SLIT2: variants seen among roughly 807,000 people sequenced by gnomAD.
The protein encoded by SLIT2 is slit homolog 2 protein.
SLIT2 carries 41 observed loss-of-function variants against 185.7 expected under a neutral mutation model. The observed-to-expected ratio is 0.22, with a 90% CI of 0.17 to 0.29. The LOEUF is 0.29. Among genes scored for constraint, SLIT2 ranks in the 10% least tolerant of loss-of-function variants. SLIT2 has a pLI of 1.00. For synonymous variants in SLIT2, 693 were observed against 680.2 expected, an observed-to-expected ratio of 1.02 and a Z score of -0.29; for missense variants, 1,571 against 1,909.0, an observed-to-expected ratio of 0.82 and a Z score of 3.30.
At chr4:20,362,367 T>A (rs1722807651) in intron 4 of SLIT2, among the ~76,000 whole-genome samples, 1 of 152,178 alleles carries the variant, frequency 6.6e-6, no homozygotes, top group Admixed American at 6.5e-5. Flanking sequence ...CAAGGATACC[T>A]CGGAAGAGGC....
intron 4 of SLIT2, among the ~76,000 whole-genome samples, chr4:20,330,583 G>A (rs1400622750): frequency 2.0e-5 from 3 of 152,072 alleles, no homozygotes. Flanking sequence ...TGGAAAGCAT[G>A]AAGTGTCAAA....
At chr4:20,597,734 G>A (rs182886369) in intron 32 of SLIT2, among the ~76,000 whole-genome samples, 4 of 152,288 alleles carry the variant, frequency 2.6e-5, no homozygotes, top group African/African-American at 9.6e-5. Context: ...ACCTTCCAGT[G>A]TTTGCCCCAC....
chr4:20,292,391 A>G (rs1716041205), intron 4 of SLIT2, among the ~76,000 whole-genome samples: 1 of 152,106 alleles, frequency 6.6e-6, no homozygotes, highest in Admixed American at 6.6e-5. Flanking sequence ...TAATTAATTC[A>G]TAGATTTGTT....
intron 4 of SLIT2, among the ~76,000 whole-genome samples, chr4:20,464,721 C>T (rs1421483062): frequency 6.6e-6 from 1 of 152,220 alleles, no homozygotes; most frequent in Non-Finnish European, 1.5e-5. Flanking sequence ...TGTGTTTCCA[C>T]CTCCATTCCC....
In SLIT2 at chr4:20,528,924, T is replaced by C. The variant is rs1721539280; in HGVS notation, c.1463-25T>C. 6.3e-6 allele frequency: 10 copies of C among 1,587,624 alleles called. No homozygotes were observed. The highest frequency in any genetic ancestry group is 8.6e-6 in the Non-Finnish European group (10 of 1,162,340). On this transcript the variant is annotated intron_variant, in intron 15 of 36. Transcript: ENST00000504154. The surrounding 1 kb of genome is among the most constrained non-coding windows in gnomAD (Gnocchi z 4.2). ...TTTCTAACCTTTAGACTCAGTATCTTTTTTTTGGTTTGAATTCTCAATAGG... is the reference window on the plus strand; with the variant it reads ...TTTCTAACCTTTAGACTCAGTATCTCTTTTTTGGTTTGAATTCTCAATAGG...
At chr4:20,590,751 C>T (rs1021073344) in intron 30 of SLIT2, among the ~76,000 whole-genome samples, 1 of 152,198 alleles carries the variant, frequency 6.6e-6, no homozygotes, top group Non-Finnish European at 1.5e-5. Flanking sequence ...TCAACAGCAA[C>T]TTCTCTTTTT....
At chr4:20,550,685 T>C in intron 24 of SLIT2, 142 bp from the exon 25 acceptor site, 1 of 457,856 alleles carries the variant, frequency 2.2e-6, no homozygotes. Flanking sequence ...AGGTATCCAG[T>C]TGTACCAAAA....
intron 33 of SLIT2, among the ~76,000 whole-genome samples, chr4:20,599,349 T>C (rs975447592): frequency 2.0e-5 from 3 of 152,200 alleles, no homozygotes; most frequent in Admixed American, 6.5e-5. Context: ...TATTTAATTT[T>C]TTCACATGTA....
intron 4 of SLIT2, among the ~76,000 whole-genome samples, chr4:20,364,959 T>C (rs1035017249): frequency 1.3e-5 from 2 of 152,130 alleles, no homozygotes; most frequent in Admixed American, 1.3e-4. Flanking sequence ...ACATTTCAGA[T>C]GCACCGTACC....
intron 4 of SLIT2, among the ~76,000 whole-genome samples, chr4:20,439,229 T>C (rs1729568800): frequency 6.6e-6 from 1 of 152,244 alleles, no homozygotes; most frequent in South Asian, 2.1e-4. Flanking sequence ...GTGAAATGCC[T>C]TGGTCTAGGC....
intron 4 of SLIT2, among the ~76,000 whole-genome samples, chr4:20,461,674 G>A (rs868193316): frequency 2.0e-5 from 3 of 152,164 alleles, no homozygotes; most frequent in Admixed American, 6.5e-5. Flanking sequence ...AGAGCTGAGA[G>A]GATTTGCTAG....
At chr4:20,446,127 C>T (rs902988321) in intron 4 of SLIT2, among the ~76,000 whole-genome samples, 3 of 152,128 alleles carry the variant, frequency 2.0e-5, no homozygotes, top group Admixed American at 2.0e-4. Context: ...TTCCTTTGAC[C>T]TTTCTTCGAA....
intron 4 of SLIT2, among the ~76,000 whole-genome samples, chr4:20,310,170 C>T (rs919121466): frequency 7.9e-5 from 12 of 152,110 alleles, no homozygotes; most frequent in African/African-American, 2.4e-4. Context: ...TTCTTTCTTA[C>T]TCTTTTTTAA....
chr4:20,523,808 G>T lies in SLIT2; in HGVS notation c.1179G>T (p.Gln393His). 1 of 1,613,880 alleles carries T rather than the reference G, an allele frequency of 6.2e-7. No homozygotes were observed. The highest frequency in any genetic ancestry group is 8.5e-7 in the Non-Finnish European group (1 of 1,179,860). Residue 393 changes from glutamine (Q) to histidine (H), a missense_variant, in exon 13 of 37, where the codon CAG becomes CAT. Gln to His is a conservative substitution (Grantham distance 24). This residue lies in a region of SLIT2 where 1,202 missense variants were observed against 1,416.4 expected (regional missense o/e 0.85). Transcript: ENST00000504154. ...ACTGCCTTCGGGTAGATGCTTTTCAGGATCTCCACAACTTGAACCTTCTCT... is the reference window on the plus strand; with the variant it reads ...ACTGCCTTCGGGTAGATGCTTTTCATGATCTCCACAACTTGAACCTTCTCT... ...KINCLRVDAF[Q>H]DLHNLNLLSL...
At chr4:20,489,987 C>G (rs1302913996) in intron 8 of SLIT2, 2 of 152,240 alleles carry the variant, frequency 1.3e-5, no homozygotes, top group Admixed American at 6.5e-5. Flanking sequence ...ACTCGGGAGG[C>G]TGAGGCAGGA....
chr4:20,307,620 CTT>C (rs1717708941), intron 4 of SLIT2, among the ~76,000 whole-genome samples: 1 of 152,084 alleles, frequency 6.6e-6, no homozygotes, highest in Admixed American at 6.5e-5. Context: ...TGCAGTTACT[CTT>C]TTTGAATCTT....
intron 4 of SLIT2, among the ~76,000 whole-genome samples, chr4:20,298,694 A>G (rs1716741046): frequency 6.6e-6 from 1 of 152,254 alleles, no homozygotes. Flanking sequence ...TACTAAGCCC[A>G]AGAAACACAA....
chr4:20,589,379 T>C (rs550257654), intron 29 of SLIT2, among the ~76,000 whole-genome samples: 1 of 152,292 alleles, frequency 6.6e-6, no homozygotes, highest in African/African-American at 2.4e-5. Flanking sequence ...CTAATTCCCA[T>C]AGTATATTCT....
Position 20,538,200 on chromosome 4 carries a change from T to C in SLIT2, c.1833-1241T>C, listed in dbSNP as rs377541749. ...TGGTCTTGATCTCCTGACCTCGTGATCCGCCCGCCTCGGCCTCCCAAAGTC... is the reference window on the plus strand; with the variant it reads ...TGGTCTTGATCTCCTGACCTCGTGACCCGCCCGCCTCGGCCTCCCAAAGTC... On this transcript the variant is annotated intron_variant, in intron 18 of 36. Coordinates refer to ENST00000504154, the MANE Select transcript of SLIT2 (RefSeq NM_004787.4). Among the ~76,000 whole-genome samples, 782 of 152,264 alleles carry C rather than the reference T, an allele frequency of 5.1e-3. 7 individuals carry two copies. The highest frequency in any genetic ancestry group is 0.018 in the African/African-American group (742 of 41,560).
Sources: gnomAD v4.1 joint callset for allele counts (sites outside exome capture counted in the v4.1 genomes callset) on GRCh38, gnomAD v4.1.1 for gene constraint, gnomAD v4.1.1 regional missense constraint, Gnocchi (gnomAD v3.1) non-coding constraint, MANE v1.5 for transcripts, NCBI Gene and HGNC (gene_info 2026-07-23, HGNC 2026-07-21) for gene names.